CCDC85A: variants seen among roughly 807,000 people sequenced by gnomAD.
The protein encoded by CCDC85A is coiled-coil domain-containing protein 85A.
In CCDC85A, 38 loss-of-function variants were observed where a neutral mutation model predicts 50.2. The observed-to-expected ratio is 0.76, with a 90% CI of 0.58 to 0.99. The LOEUF (loss-of-function observed/expected upper bound fraction) is 0.99. Among genes scored for constraint, CCDC85A ranks in the 50% least tolerant of loss-of-function variants. The pLI, the probability that CCDC85A is intolerant of heterozygous loss-of-function variation, is 0.00. For missense variants in CCDC85A, 820 were observed against 742.0 expected (o/e 1.11, Z -1.22); for synonymous variants, 366 against 301.4 (o/e 1.21, Z -2.22).
chr2:56,190,696 G>A (rs1156651330), intron 1 of CCDC85A, among the ~76,000 whole-genome samples: 1 of 152,130 alleles, frequency 6.6e-6, no homozygotes, highest in Non-Finnish European at 1.5e-5. Flanking sequence ...GCCTCAGTGT[G>A]TGATGAGGAG....
At chr2:56,262,153 G>C (rs947256625) in intron 2 of CCDC85A, among the ~76,000 whole-genome samples, 4 of 152,126 alleles carry the variant, frequency 2.6e-5, no homozygotes, top group Admixed American at 6.5e-5. Context: ...TCAGTGGGAA[G>C]ATTCAGTCTC....
chr2:56,306,834 A>G lies in CCDC85A; in HGVS notation c.1241-36045A>G, dbSNP rs539425685. Among the ~76,000 whole-genome samples, 8 of 152,282 alleles carry G rather than the reference A, an allele frequency of 5.3e-5. No homozygotes were observed. The East Asian group carries it at 1.5e-3, about 29-fold the overall frequency. Reference sequence around the variant, plus strand: ...GCAGTGCCTTATCCTGTCAGACGAGACAATCTAGTAGGATACTGCCAGACT... The same window carrying G: ...GCAGTGCCTTATCCTGTCAGACGAGGCAATCTAGTAGGATACTGCCAGACT... On this transcript the variant is annotated intron_variant, in intron 2 of 5. Coordinates refer to ENST00000407595, the MANE Select transcript of CCDC85A (RefSeq NM_001080433.2).
At chr2:56,230,063 G>T (rs904796301) in intron 2 of CCDC85A, among the ~76,000 whole-genome samples, 2 of 152,152 alleles carry the variant, frequency 1.3e-5, no homozygotes, top group African/African-American at 4.8e-5. Context: ...CCAATTTTGG[G>T]CAGGGGGCAA....
intron 2 of CCDC85A, among the ~76,000 whole-genome samples, chr2:56,231,598 T>A (rs1229294632): frequency 3.3e-5 from 5 of 152,098 alleles, no homozygotes; most frequent in Non-Finnish European, 7.4e-5. Context: ...GAACTTAGCC[T>A]TGGCAGTATT....
intron 2 of CCDC85A, among the ~76,000 whole-genome samples, chr2:56,226,591 A>G (rs1289338257): frequency 1.3e-5 from 2 of 151,924 alleles, no homozygotes; most frequent in Non-Finnish European, 2.9e-5. Flanking sequence ...TATTTTCCCA[A>G]TTCCTGCGTT....
rs536145953 is a variant in CCDC85A, at chr2:56,338,798, A to G, written c.1241-4081A>G. On this transcript the variant is annotated intron_variant, in intron 2 of 5. Transcript: ENST00000407595. ...GATTTTTTTTTTAATGGCTTTTCCT[A>G]TAGGGGCTTGGGGACCCAGTGCTGA... Among the ~76,000 whole-genome samples the G allele has an allele frequency of 2.0e-5, 3 of 151,728 alleles. No homozygotes were observed. The South Asian group carries it at 6.3e-4, about 32-fold the overall frequency.
rs1359034420 is a variant in CCDC85A, at chr2:56,320,372, T to A, written c.1241-22507T>A. On this transcript the variant is annotated intron_variant, in intron 2 of 5. Transcript: ENST00000407595. ...AGGAGCTGGTTTTTTGAAAAGATCA[T>A]CAAAATTGATAGACCACTAGCAAGA... Among the ~76,000 whole-genome samples, 7 of 150,590 alleles carry A rather than the reference T, an allele frequency of 4.6e-5. No homozygotes were observed. The East Asian group carries it at 7.8e-4, about 17-fold the overall frequency.
chr2:56,209,391 A>G (rs1178818812), intron 2 of CCDC85A, among the ~76,000 whole-genome samples: 2 of 150,250 alleles, frequency 1.3e-5, no homozygotes, highest in African/African-American at 4.9e-5. Context: ...TTTGGGGAAA[A>G]TTGCAGACAT....
intron 2 of CCDC85A, among the ~76,000 whole-genome samples, chr2:56,222,453 C>T (rs1463677374): frequency 6.6e-6 from 1 of 152,030 alleles, no homozygotes; most frequent in Non-Finnish European, 1.5e-5. Flanking sequence ...ACAAAAGCTT[C>T]CTATTTTTAT....
At chr2:56,276,314 A>C (rs1025222600) in intron 2 of CCDC85A, among the ~76,000 whole-genome samples, 1 of 113,956 alleles carries the variant, frequency 8.8e-6, no homozygotes, top group Non-Finnish European at 2.0e-5. Context: ...TACTGGCTTT[A>C]CTTTCTGAAG....
At chr2:56,333,791 A>G (rs1419070750) in intron 2 of CCDC85A, among the ~76,000 whole-genome samples, 1 of 152,220 alleles carries the variant, frequency 6.6e-6, no homozygotes, top group Admixed American at 6.5e-5. Context: ...AATTTTTGTT[A>G]AAAGGAAAGC....
intron 5 of CCDC85A, among the ~76,000 whole-genome samples, chr2:56,384,004 G>A (rs963844988): frequency 4.0e-5 from 6 of 151,736 alleles, no homozygotes; most frequent in Non-Finnish European, 5.9e-5. Context: ...GACCACTTAC[G>A]TAACTACAGT....
chr2:56,231,775 A>G (rs1053421918), intron 2 of CCDC85A, among the ~76,000 whole-genome samples: 1 of 152,088 alleles, frequency 6.6e-6, no homozygotes, highest in Non-Finnish European at 1.5e-5. Context: ...TTTATCAGGG[A>G]TGTTTGTAGT....
chr2:56,260,555 C>CAATGTGAT (rs1175504623), intron 2 of CCDC85A, among the ~76,000 whole-genome samples: 1 of 152,192 alleles, frequency 6.6e-6, no homozygotes, highest in Non-Finnish European at 1.5e-5. Flanking sequence ...GCAGGAGTAG[C>CAATGTGAT]AATGTGATCT....
chr2:56,303,025 C>T (rs549316243), intron 2 of CCDC85A, among the ~76,000 whole-genome samples: 59 of 152,282 alleles, frequency 3.9e-4, no homozygotes, highest in African/African-American at 1.4e-3. Context: ...AGCCAGGTTT[C>T]TGGATCCCCA....
intron 2 of CCDC85A, among the ~76,000 whole-genome samples, chr2:56,199,972 G>A (rs977490426): frequency 5.9e-5 from 9 of 152,154 alleles, no homozygotes; most frequent in Admixed American, 2.0e-4. Context: ...TGGTTCAAAC[G>A]ATTCTCCTGC....
At chr2:56,356,732 A>G (rs72803062) in intron 3 of CCDC85A, among the ~76,000 whole-genome samples, 2,031 of 23,324 alleles carry the variant, frequency 0.087, 32 homozygotes, top group Middle Eastern at 0.2. Flanking sequence ...CATCTCAAGG[A>G]AAAAAAAAAA....
chr2:56,248,094 T>C (rs1026388503), intron 2 of CCDC85A, among the ~76,000 whole-genome samples: 4 of 152,188 alleles, frequency 2.6e-5, no homozygotes, highest in African/African-American at 9.6e-5. Context: ...ATAAGTGATA[T>C]TACCCGGATG....
At chr2:56,296,057 A>C (rs1003933752) in intron 2 of CCDC85A, among the ~76,000 whole-genome samples, 2 of 152,194 alleles carry the variant, frequency 1.3e-5, no homozygotes, top group African/African-American at 4.8e-5. Flanking sequence ...AAAAATGTGG[A>C]ATCTACAGGC....
Sources: allele counts gnomAD v4.1 joint callset (sites outside exome capture counted in the v4.1 genomes callset), GRCh38; gene constraint gnomAD v4.1.1; transcripts MANE v1.5; gene names NCBI Gene and HGNC (gene_info 2026-07-23, HGNC 2026-07-21).